The following FRMD3 variants were observed in gnomAD, a reference collection of about 807,000 sequenced individuals.
FRMD3 encodes the protein FERM domain containing 3.
In FRMD3, 33 loss-of-function variants were observed where a neutral mutation model predicts 70.2. That is an observed-to-expected ratio of 0.47 (90% CI 0.36 to 0.63). The LOEUF is 0.63. Among genes scored for constraint, FRMD3 ranks in the 20% least tolerant of loss-of-function variants. FRMD3 has a pLI of 0.00. For missense variants in FRMD3, 632 were observed against 711.4 expected (o/e 0.89, Z 1.27); for synonymous variants, 279 against 255.9 (o/e 1.09, Z -0.86).
chr9:83,260,442 T>A (rs1832931411), intron 13 of FRMD3, among the ~76,000 whole-genome samples: 1 of 152,154 alleles, frequency 6.6e-6, no homozygotes, highest in Non-Finnish European at 1.5e-5. Flanking sequence ...AGCTTCTCTG[T>A]TACTGGCCCC....
At chr9:83,430,332 G>A (rs1186218810) in intron 1 of FRMD3, among the ~76,000 whole-genome samples, 1 of 152,148 alleles carries the variant, frequency 6.6e-6, no homozygotes. Flanking sequence ...GCTCCATTTG[G>A]TAGAAGCTCC....
intron 1 of FRMD3, among the ~76,000 whole-genome samples, chr9:83,473,687 G>A (rs1828326201): frequency 1.3e-5 from 2 of 152,166 alleles, no homozygotes; most frequent in Non-Finnish European, 2.9e-5. Flanking sequence ...GCGAATGCAC[G>A]GGCTAGCTAG....
intron 1 of FRMD3, among the ~76,000 whole-genome samples, chr9:83,491,881 G>T (rs1828834242): frequency 6.6e-6 from 1 of 152,220 alleles, no homozygotes; most frequent in Non-Finnish European, 1.5e-5. Context: ...AGGATAGCAA[G>T]TAACCCTGGG....
At chr9:83,281,908 G>A (rs1028992078) in intron 13 of FRMD3, among the ~76,000 whole-genome samples, 7 of 152,140 alleles carry the variant, frequency 4.6e-5, no homozygotes, top group Non-Finnish European at 7.3e-5. Context: ...GTATACACAC[G>A]AGCTCTTCTC....
intron 1 of FRMD3, among the ~76,000 whole-genome samples, chr9:83,534,871 G>A (rs7863215): frequency 0.7 from 106,497 of 152,068 alleles, 37,497 homozygotes; most frequent in South Asian, 0.78. Flanking sequence ...GGCAAATAGG[G>A]TCGCTTTGTC....
intron 10 of FRMD3, among the ~76,000 whole-genome samples, chr9:83,304,606 T>C: frequency 6.6e-6 from 1 of 152,234 alleles, no homozygotes; most frequent in East Asian, 1.9e-4. Context: ...TATTAGGAAC[T>C]GCTTTTATCC....
chr9:83,275,611 T>C (rs1189783876), intron 13 of FRMD3, among the ~76,000 whole-genome samples: 3 of 152,220 alleles, frequency 2.0e-5, no homozygotes, highest in East Asian at 3.8e-4. Flanking sequence ...CACCATATAC[T>C]GTGAACATCA....
chr9:83,341,978 G>T (rs1823772110), intron 5 of FRMD3, among the ~76,000 whole-genome samples: 1 of 151,694 alleles, frequency 6.6e-6, no homozygotes, highest in Non-Finnish European at 1.5e-5. Context: ...CATAACCGAT[G>T]ACCAGCTAAT....
At chr9:83,424,940 C>A (rs529033877) in intron 1 of FRMD3, among the ~76,000 whole-genome samples, 1 of 152,142 alleles carries the variant, frequency 6.6e-6, no homozygotes, top group South Asian at 2.1e-4. Context: ...TATTGTCCTG[C>A]GCTACTGCTC....
chr9:83,498,537 T>C (rs1485558005), intron 1 of FRMD3, among the ~76,000 whole-genome samples: 1 of 152,192 alleles, frequency 6.6e-6, no homozygotes, highest in East Asian at 1.9e-4. Flanking sequence ...CCTGGGGCTA[T>C]CAAAATTAAT....
intron 1 of FRMD3, among the ~76,000 whole-genome samples, chr9:83,470,602 C>T (rs1828245871): frequency 6.6e-6 from 1 of 152,236 alleles, no homozygotes; most frequent in Non-Finnish European, 1.5e-5. Context: ...GATAGCTCTC[C>T]AATCCTCTGC....
intron 3 of FRMD3, among the ~76,000 whole-genome samples, chr9:83,358,119 G>A (rs1478572452): frequency 6.6e-6 from 1 of 152,164 alleles, no homozygotes; most frequent in Non-Finnish European, 1.5e-5. Context: ...TATAAGGTGA[G>A]AGATGAGGAT....
chr9:83,530,412 T>C lies in FRMD3; in HGVS notation c.147+7673A>G, dbSNP rs560138732. Among the ~76,000 whole-genome samples the C allele has an allele frequency of 9.6e-4, 146 of 152,350 alleles. 1 individual carries two copies. The highest frequency in any genetic ancestry group is 3.4e-3 in the African/African-American group (141 of 41,584). On this transcript the variant is annotated intron_variant, in intron 1 of 13. Coordinates refer to ENST00000304195, the MANE Select transcript of FRMD3 (RefSeq NM_174938.6). ...AAAGTTCACATATTTTATGATTCCA[T>C]TTTTATCAAATGTCCAGAATAGACA...
chr9:83,299,617 G>A (rs1333768585), intron 10 of FRMD3, among the ~76,000 whole-genome samples: 1 of 152,198 alleles, frequency 6.6e-6, no homozygotes, highest in Non-Finnish European at 1.5e-5. Flanking sequence ...TCCACAGTGA[G>A]GCAGAAAACA....
downstream of FRMD3, among the ~76,000 whole-genome samples, chr9:83,244,272 T>TAAC: frequency 6.6e-6 from 1 of 152,192 alleles, no homozygotes; most frequent in East Asian, 1.9e-4. Flanking sequence ...CCAGTGATGA[T>TAAC]AACATATTAA....
At chr9:83,533,068 A>T (rs572928704) in intron 1 of FRMD3, among the ~76,000 whole-genome samples, 2 of 152,318 alleles carry the variant, frequency 1.3e-5, no homozygotes, top group East Asian at 3.9e-4. Context: ...TGTCCTTATT[A>T]TTTAGGCCAC....
At chr9:83,471,106 C>G (rs576407414) in intron 1 of FRMD3, among the ~76,000 whole-genome samples, 3 of 152,176 alleles carry the variant, frequency 2.0e-5, no homozygotes, top group Non-Finnish European at 4.4e-5. Context: ...CCCTCTGCCT[C>G]TAGACAGGTG....
At chr9:83,318,866 T>C (rs1835688290) in intron 6 of FRMD3, among the ~76,000 whole-genome samples, 3 of 152,194 alleles carry the variant, frequency 2.0e-5, no homozygotes, top group Non-Finnish European at 4.4e-5. Context: ...TGGTCTCTCA[T>C]TGTGGTTTTA....
intron 1 of FRMD3, among the ~76,000 whole-genome samples, chr9:83,536,724 A>G (rs1829899876): frequency 6.6e-6 from 1 of 152,086 alleles, no homozygotes; most frequent in African/African-American, 2.4e-5. Flanking sequence ...TCCTACCTTG[A>G]CACTTGTCCG....
Sources: gnomAD v4.1 joint callset for allele counts (sites outside exome capture counted in the v4.1 genomes callset) on GRCh38, gnomAD v4.1.1 for gene constraint, MANE v1.5 for transcripts, NCBI Gene and HGNC (gene_info 2026-07-23, HGNC 2026-07-21) for gene names.